Variants in RPS6KC1 observed in about 807,000 individuals in gnomAD.
RPS6KC1 encodes the protein inactive ribosomal protein S6 kinase delta-1.
A neutral mutation model predicts 103.8 loss-of-function variants in RPS6KC1; 54 were observed. That is an observed-to-expected ratio of 0.52 (90% CI 0.42 to 0.65). The LOEUF is 0.65. Ranked by LOEUF, RPS6KC1 falls within the 30% of genes least tolerant of loss-of-function variation. RPS6KC1 has a pLI of 0.00. For synonymous variants in RPS6KC1, 439 were observed against 438.7 expected (o/e 1.00, Z -0.01); for missense variants, 1,151 against 1,253.8 (o/e 0.92, Z 1.24).
the RPS6KC1 span, among the ~76,000 whole-genome samples, chr1:213,828,905 G>A: frequency 2.6e-5 from 4 of 152,132 alleles, no homozygotes; most frequent in African/African-American, 9.7e-5. Context: ...TCACCTAGTG[G>A]GGAAATGTAA....
chr1:213,459,828 C>A, the RPS6KC1 span, among the ~76,000 whole-genome samples: 1 of 152,112 alleles, frequency 6.6e-6, no homozygotes, highest in South Asian at 2.1e-4. Context: ...GTTATTTCTG[C>A]CTTCATTTTG....
chr1:213,249,950 T>G (rs1336583831), intron 12 of RPS6KC1, among the ~76,000 whole-genome samples: 1 of 152,152 alleles, frequency 6.6e-6, no homozygotes, highest in Non-Finnish European at 1.5e-5. Context: ...AGAACATGGT[T>G]GCCAGGTCAC....
chr1:213,217,867 G>A (rs1190257189), intron 8 of RPS6KC1, among the ~76,000 whole-genome samples: 2 of 152,108 alleles, frequency 1.3e-5, no homozygotes, highest in Non-Finnish European at 2.9e-5. Context: ...TTGATGGGAT[G>A]TATCTCAAAA....
chr1:213,270,028 G>C (rs1358464684), intron 14 of RPS6KC1, among the ~76,000 whole-genome samples: 1 of 152,080 alleles, frequency 6.6e-6, no homozygotes, highest in Non-Finnish European at 1.5e-5. Context: ...TCTTTGCAAA[G>C]ATCAGCAAAA....
chr1:213,545,421 AAAATAAAATAAAAGAG>A, the RPS6KC1 span, among the ~76,000 whole-genome samples: 1 of 77,172 alleles, frequency 1.3e-5, no homozygotes, highest in African/African-American at 3.5e-5. Context: ...TAAATAAAAT[AAAATAAAATAAAAGAG>A]AGAGAGAGAG....
chr1:213,342,347 T>C, the RPS6KC1 span, among the ~76,000 whole-genome samples: 2 of 152,240 alleles, frequency 1.3e-5, no homozygotes, highest in Non-Finnish European at 2.9e-5. Flanking sequence ...ATCTTGTTTA[T>C]TGACCAGATT....
chr1:213,831,569 G>T, the RPS6KC1 span, among the ~76,000 whole-genome samples: 1 of 152,180 alleles, frequency 6.6e-6, no homozygotes, highest in Non-Finnish European at 1.5e-5. Context: ...CACTACATTT[G>T]TGGTAATTTG....
chr1:213,653,596 C>T, the RPS6KC1 span, among the ~76,000 whole-genome samples: 1 of 152,086 alleles, frequency 6.6e-6, no homozygotes, highest in Admixed American at 6.6e-5. Flanking sequence ...GCTCTTTAAC[C>T]TATCATTTGT....
the RPS6KC1 span, among the ~76,000 whole-genome samples, chr1:213,759,970 G>A: frequency 3.3e-5 from 5 of 152,130 alleles, no homozygotes; most frequent in East Asian, 1.9e-4. Context: ...GCAGCTGCAG[G>A]TGCCTCAAGT....
At chr1:213,496,338 A>G in the RPS6KC1 span, among the ~76,000 whole-genome samples, 6 of 152,220 alleles carry the variant, frequency 3.9e-5, no homozygotes, top group Non-Finnish European at 5.9e-5. Context: ...TGTAAAAAAA[A>G]TAATAACAGT....
the RPS6KC1 span, among the ~76,000 whole-genome samples, chr1:213,806,844 C>T: frequency 1.3e-5 from 2 of 149,872 alleles, no homozygotes; most frequent in African/African-American, 2.4e-5. Context: ...GGTTATTTTG[C>T]TCGTTAGTTG....
At chr1:213,653,256 G>A in the RPS6KC1 span, among the ~76,000 whole-genome samples, 3 of 152,164 alleles carry the variant, frequency 2.0e-5, no homozygotes, top group African/African-American at 4.8e-5. Flanking sequence ...CCATGAGTTT[G>A]AGACCAGCCT....
At chr1:213,854,510 C>CTCTTTCTTTT in the RPS6KC1 span, among the ~76,000 whole-genome samples, 1 of 120,934 alleles carries the variant, frequency 8.3e-6, no homozygotes, top group Non-Finnish European at 1.7e-5. Flanking sequence ...CTCTTTCTTT[C>CTCTTTCTTTT]TCTTTCTTTC....
chr1:213,701,222 C>T, the RPS6KC1 span, among the ~76,000 whole-genome samples: 11 of 132,866 alleles, frequency 8.3e-5, no homozygotes, highest in Non-Finnish European at 9.9e-5. Context: ...GAGTTATGTT[C>T]CTTCTATACC....
the RPS6KC1 span, among the ~76,000 whole-genome samples, chr1:213,452,045 C>T: frequency 2.0e-5 from 3 of 152,164 alleles, no homozygotes; most frequent in African/African-American, 7.2e-5. Context: ...TGATAAAAAT[C>T]ATTTGAAAAG....
At chr1:213,349,827 T>A in the RPS6KC1 span, among the ~76,000 whole-genome samples, 1 of 152,204 alleles carries the variant, frequency 6.6e-6, no homozygotes, top group Admixed American at 6.5e-5. Flanking sequence ...ATGATCAAAC[T>A]TGACAGGGCC....
At chr1:213,740,572 A>G in the RPS6KC1 span, among the ~76,000 whole-genome samples, 1 of 151,894 alleles carries the variant, frequency 6.6e-6, no homozygotes, top group Non-Finnish European at 1.5e-5. Flanking sequence ...AGGGTCCTCA[A>G]AATTAAAATG....
the RPS6KC1 span, among the ~76,000 whole-genome samples, chr1:213,480,495 A>G: frequency 6.6e-6 from 1 of 150,880 alleles, no homozygotes; most frequent in Admixed American, 6.6e-5. Flanking sequence ...TGATGTACTT[A>G]TCAGTTCTAA....
intron 6 of RPS6KC1, among the ~76,000 whole-genome samples, chr1:213,132,074 A>C (rs1209563199): frequency 1.3e-5 from 2 of 152,234 alleles, no homozygotes; most frequent in African/African-American, 4.8e-5. Flanking sequence ...TTATAGATGC[A>C]TGTCAGAAAA....
Sources: gnomAD v4.1 joint callset for allele counts (sites outside exome capture counted in the v4.1 genomes callset) on GRCh38, gnomAD v4.1.1 for gene constraint, MANE v1.5 for transcripts, NCBI Gene and HGNC (gene_info 2026-07-23, HGNC 2026-07-21) for gene names.